Variants in CSMD3 observed in about 807,000 individuals in gnomAD.
CSMD3 encodes CUB and Sushi multiple domains 3, also known as CUB and sushi domain-containing protein 3.
CSMD3 carries 177 observed loss-of-function variants against 435.2 expected under a neutral mutation model. That is an observed-to-expected ratio of 0.41 (90% CI 0.36 to 0.46). CSMD3 has a LOEUF of 0.46. Among genes scored for constraint, CSMD3 ranks in the 20% least tolerant of loss-of-function variants. The probability of loss-of-function intolerance (pLI) is 0.34; values close to 1 mark genes in which losing one functional copy is unlikely to be tolerated. For synonymous variants in CSMD3, 1,656 were observed against 1,520.5 expected, an observed-to-expected ratio of 1.09 and a Z score of -2.07; for missense variants, 4,265 against 4,504.6, an observed-to-expected ratio of 0.95 and a Z score of 1.52.
intron 32 of CSMD3, among the ~76,000 whole-genome samples, chr8:112,418,400 T>A (rs1208324915): frequency 5.9e-5 from 9 of 152,146 alleles, no homozygotes; most frequent in East Asian, 3.9e-4. Context: ...GCAAAATGCT[T>A]CCCTTTTAAA....
At chr8:112,274,727 A>G (rs73709208) in intron 59 of CSMD3, among the ~76,000 whole-genome samples, 4,503 of 152,290 alleles carry the variant, frequency 0.03, 233 homozygotes, top group African/African-American at 0.1. Context: ...AGCTGAAAAC[A>G]TTATCATAAG....
In CSMD3 at chr8:112,975,958, G is replaced by A. The variant is rs2130933151; in HGVS notation, c.1221C>T (p.Asp407=). The A allele has an allele frequency of 6.2e-7, 1 of 1,614,016 alleles. No homozygotes were observed. Among genetic ancestry groups the A allele is most frequent in the Non-Finnish European group, 8.5e-7 (1 of 1,179,950 alleles). The change falls in exon 7 of 71, where the codon GAC becomes GAT. Residue 407 remains aspartate (D), a synonymous_variant. Coordinates refer to ENST00000297405, the MANE Select transcript of CSMD3 (RefSeq NM_198123.2). ...QVTSLRNSGL[D]PNTSKDGLSP... is the part of the protein sequence containing the mutation. Reference sequence around the variant, plus strand: ...AGAGCCCGTCCTTGGACGTGTTGGGGTCCAGACCTGAATTTCTGAGACTCG... The same window carrying A: ...AGAGCCCGTCCTTGGACGTGTTGGGATCCAGACCTGAATTTCTGAGACTCG...
chr8:113,108,617 A>T (rs977936616), intron 4 of CSMD3, among the ~76,000 whole-genome samples: 1 of 152,184 alleles, frequency 6.6e-6, no homozygotes, highest in African/African-American at 2.4e-5. Context: ...CATTGATAAA[A>T]TACCAAACTT....
chr8:112,631,228 T>C (rs2074506321), intron 22 of CSMD3, among the ~76,000 whole-genome samples: 2 of 152,116 alleles, frequency 1.3e-5, no homozygotes, highest in African/African-American at 2.4e-5. Flanking sequence ...ATCCAGATTA[T>C]TGTTTTTGTA....
chr8:112,969,047 CATA>C (rs1485431747), intron 7 of CSMD3, among the ~76,000 whole-genome samples: 2 of 151,886 alleles, frequency 1.3e-5, no homozygotes, highest in Admixed American at 6.6e-5. Context: ...GTGATGGGCA[CATA>C]ATAAGCACCT....
intron 22 of CSMD3, among the ~76,000 whole-genome samples, chr8:112,631,092 AG>A (rs544932964): frequency 2.3e-3 from 354 of 152,154 alleles, no homozygotes; most frequent in African/African-American, 8.1e-3. Flanking sequence ...GAATAGGTAA[AG>A]GATCCTTTCT....
intron 4 of CSMD3, among the ~76,000 whole-genome samples, chr8:113,149,318 T>G (rs2091752163): frequency 6.6e-6 from 1 of 151,912 alleles, no homozygotes; most frequent in African/African-American, 2.4e-5. Context: ...TGATCTGGTC[T>G]CTGCATCTGC....
At chr8:112,766,446 A>G (rs2077981444) in intron 13 of CSMD3, among the ~76,000 whole-genome samples, 1 of 151,622 alleles carries the variant, frequency 6.6e-6, no homozygotes, top group South Asian at 2.1e-4. Context: ...TAAGCACTTG[A>G]ATTTGTTAAG....
At chr8:112,584,597 T>C (rs959807720) in intron 23 of CSMD3, among the ~76,000 whole-genome samples, 4 of 151,728 alleles carry the variant, frequency 2.6e-5, no homozygotes, top group African/African-American at 4.8e-5. Flanking sequence ...CAGAATCCAA[T>C]ATAGTTATGT....
chr8:112,688,952 T>G (rs1315401149), intron 14 of CSMD3, among the ~76,000 whole-genome samples: 17 of 152,070 alleles, frequency 1.1e-4, no homozygotes, highest in Non-Finnish European at 2.9e-5. Flanking sequence ...TTCTCCAGTA[T>G]TAAGCCAACG....
In CSMD3 at chr8:112,266,213, C is replaced by T. The variant is rs549843235; in HGVS notation, c.9509-623G>A. 5.3e-5 allele frequency among the ~76,000 whole-genome samples: 8 copies of T among 152,252 alleles called. No homozygotes were observed. In the South Asian group the frequency reaches 1.4e-3, roughly 28 times the overall value. ...ACTCCATTAATATATCCAACTCTGA[C>T]GATCCTCACGTTTGCATCCAACCCC... On this transcript the variant is annotated intron_variant, in intron 59 of 70. Transcript: ENST00000297405.
intron 38 of CSMD3, among the ~76,000 whole-genome samples, chr8:112,373,951 A>G (rs1828697763): frequency 6.6e-6 from 1 of 152,144 alleles, no homozygotes; most frequent in Non-Finnish European, 1.5e-5. Context: ...TGATCCACCA[A>G]ACAGATTTTA....
intron 17 of CSMD3, among the ~76,000 whole-genome samples, chr8:112,663,511 A>G (rs956249717): frequency 2.7e-5 from 4 of 150,508 alleles, no homozygotes; most frequent in African/African-American, 9.8e-5. Flanking sequence ...GGGGAGGGAT[A>G]GCATTAGGAG....
chr8:112,512,743 C>G (rs1823264043), intron 28 of CSMD3, among the ~76,000 whole-genome samples: 2 of 152,178 alleles, frequency 1.3e-5, no homozygotes, highest in Admixed American at 1.3e-4. Context: ...ATTGATTTCT[C>G]CTCTCTAGCA....
chr8:113,234,549 T>A (rs960573203), intron 3 of CSMD3, among the ~76,000 whole-genome samples: 19 of 152,186 alleles, frequency 1.2e-4, no homozygotes, highest in Non-Finnish European at 2.8e-4. Flanking sequence ...CATGATTACA[T>A]AGCTTCTACT....
At chr8:112,547,767 G>A (rs1827315033) in intron 27 of CSMD3, among the ~76,000 whole-genome samples, 1 of 152,072 alleles carries the variant, frequency 6.6e-6, no homozygotes, top group Non-Finnish European at 1.5e-5. Flanking sequence ...AAAAAAGAAG[G>A]TTTGGTGATG....
chr8:113,253,198 G>C (rs2132310193), intron 3 of CSMD3, among the ~76,000 whole-genome samples: 1 of 151,928 alleles, frequency 6.6e-6, no homozygotes, highest in African/African-American at 2.4e-5. Context: ...ATTGGCTGGG[G>C]ACATCAGGAC....
At chr8:112,478,427 C>T (rs1430246280) in intron 31 of CSMD3, among the ~76,000 whole-genome samples, 2 of 152,140 alleles carry the variant, frequency 1.3e-5, no homozygotes, top group African/African-American at 4.8e-5. Flanking sequence ...TCTAAGTTGA[C>T]AAGGTCTCCG....
intron 28 of CSMD3, among the ~76,000 whole-genome samples, chr8:112,512,626 C>T (rs1823253846): frequency 6.6e-6 from 1 of 152,068 alleles, no homozygotes; most frequent in African/African-American, 2.4e-5. Flanking sequence ...CTTAACAGGC[C>T]TAAGATTTTC....
Sources: gnomAD v4.1 joint callset for allele counts (sites outside exome capture counted in the v4.1 genomes callset) on GRCh38, gnomAD v4.1.1 for gene constraint, MANE v1.5 for transcripts, NCBI Gene and HGNC (gene_info 2026-07-23, HGNC 2026-07-21) for gene names.